Variants in GABRB3 observed in about 807,000 individuals in gnomAD.
GABRB3 encodes gamma-aminobutyric acid receptor subunit beta-3.
Under a neutral mutation model 52.1 loss-of-function variants are expected in GABRB3, and 14 were observed. The ratio of observed to expected loss-of-function variants is 0.27; its 90% CI spans 0.18 to 0.42. GABRB3 has a LOEUF of 0.42. Among genes scored for constraint, GABRB3 ranks in the 10% least tolerant of loss-of-function variants. The pLI is 1.00. For missense variants in GABRB3, 307 were observed against 609.1 expected (o/e 0.50, Z 5.22); for synonymous variants, 260 against 232.3 (o/e 1.12, Z -1.08).
At position 26,583,294 on chromosome 15, in the gene GABRB3, A is replaced by T. The variant is rs763361973; in HGVS notation, c.544+38T>A. The T allele has an allele frequency of 7.2e-6, 11 of 1,522,186 alleles. No homozygotes were observed. The African/African-American group carries it at 1.5e-4, about 21-fold the overall frequency. The allele number at this position is 1,522,186 out of a possible 1,614,324, so 94.3% of individuals were successfully genotyped here. ...ATAATGACAAAAGGATCAAAAGTAC[A>T]AATAGGAGGAGAAAGAAACACAGAT... On this transcript the variant is annotated intron_variant, in intron 5 of 8. Coordinates refer to ENST00000311550, the MANE Select transcript of GABRB3 (RefSeq NM_000814.6).
Position 26,554,190 on chromosome 15 carries a change from A to AAAGAGTATATAT in GABRB3, c.1081-6057_1081-6056insATATATACTCTT, listed in dbSNP as rs1567097853. Among the ~76,000 whole-genome samples, 9 of 31,538 alleles carry AAAGAGTATATAT rather than the reference A, an allele frequency of 2.9e-4. 1 individual carries two copies. The highest frequency in any genetic ancestry group is 5.9e-4 in the African/African-American group (7 of 11,768). The allele number at this position is 31,538 out of a possible 152,430, so 20.7% of individuals were successfully genotyped here. A position where few individuals can be genotyped will look rare whatever the true frequency, so the allele number is the denominator to read the frequency against. ...ATATATATAAAGTATATATATATAT[A>AAAGAGTATATAT]CTATATATATATATATATAGTAGAA... On this transcript the variant is annotated intron_variant, in intron 8 of 8. Transcript: ENST00000311550.
intron 3 of GABRB3, chr15:26,642,325 G>A (rs922490451): frequency 1.6e-4 from 61 of 380,734 alleles, no homozygotes; most frequent in Non-Finnish European, 1.5e-4. Context: ...ACTGACTATG[G>A]GACTTGAATA....
intron 5 of GABRB3, among the ~76,000 whole-genome samples, chr15:26,581,709 T>C (rs1890797287): frequency 6.6e-6 from 1 of 152,204 alleles, no homozygotes; most frequent in African/African-American, 2.4e-5. Context: ...AGCTCATTCT[T>C]TCCCACATTT....
intron 3 of GABRB3, among the ~76,000 whole-genome samples, chr15:26,763,576 T>C (rs8026392): frequency 0.3 from 44,904 of 149,222 alleles, 6,976 homozygotes; most frequent in East Asian, 0.41. Flanking sequence ...ATTGGTTTTG[T>C]TCTTTCACAA....
rs115452011 is a variant in GABRB3, at chr15:26,643,852, G to A, written c.241-22318C>T. On this transcript the variant is annotated intron_variant, in intron 3 of 8. Transcript: ENST00000311550. ...ATAGTCTAGCAAAGACCAAAACTAC[G>A]GATCCTTCCCTTTTCCAATCACTCA... is the stretch of plus-strand genomic sequence containing the variant. 3.7e-3 allele frequency among the ~76,000 whole-genome samples: 567 copies of A among 152,278 alleles called. 1 individual carries two copies. Among genetic ancestry groups the A allele is most frequent in the African/African-American group, 0.013 (533 of 41,550 alleles).
chr15:26,554,799 A>G (rs1276511588), intron 8 of GABRB3, among the ~76,000 whole-genome samples: 1 of 152,226 alleles, frequency 6.6e-6, no homozygotes, highest in Non-Finnish European at 1.5e-5. Flanking sequence ...CATGTGCCCC[A>G]TAAGTTGGGA....
At chr15:26,729,190 G>A (rs190640545) in intron 3 of GABRB3, among the ~76,000 whole-genome samples, 1 of 152,282 alleles carries the variant, frequency 6.6e-6, no homozygotes, top group African/African-American at 2.4e-5. Context: ...TGTGTTCTCA[G>A]TGGTCCCGCT....
intron 3 of GABRB3, among the ~76,000 whole-genome samples, chr15:26,755,657 A>G (rs1890640500): frequency 6.6e-6 from 1 of 152,236 alleles, no homozygotes; most frequent in Non-Finnish European, 1.5e-5. Context: ...TGATTCTAGA[A>G]GTATAGATAT....
At chr15:26,598,673 C>T (rs1891481261) in intron 4 of GABRB3, among the ~76,000 whole-genome samples, 1 of 152,180 alleles carries the variant, frequency 6.6e-6, no homozygotes, top group Admixed American at 6.5e-5. Flanking sequence ...GGCAGTCATC[C>T]CATTTTCCAA....
At chr15:26,549,116 T>G (rs913704152) in intron 8 of GABRB3, among the ~76,000 whole-genome samples, 6 of 152,204 alleles carry the variant, frequency 3.9e-5, no homozygotes, top group Admixed American at 3.3e-4. Flanking sequence ...TGTAATAGAT[T>G]AAGTGTCTGT....
intron 3 of GABRB3, among the ~76,000 whole-genome samples, chr15:26,680,460 C>T (rs1430931508): frequency 8.6e-6 from 1 of 116,720 alleles, no homozygotes; most frequent in Non-Finnish European, 1.9e-5. Context: ...CCTATGGGCA[C>T]CCTACAGCCT....
rs139183409 is a variant in GABRB3, at chr15:26,641,774, C to T, written c.241-20240G>A. 2.7e-3 allele frequency among the ~76,000 whole-genome samples: 407 copies of T among 152,286 alleles called. 1 individual carries two copies. The highest frequency in any genetic ancestry group is 0.024 in the Middle Eastern group (7 of 294). ...GCAAGACCCATACTGATGTCCTGCACTAATGAAGTGGCATCAGGAATAAAG... is the reference window on the plus strand; with the variant it reads ...GCAAGACCCATACTGATGTCCTGCATTAATGAAGTGGCATCAGGAATAAAG... On this transcript the variant is annotated intron_variant, in intron 3 of 8. Transcript: ENST00000311550.
intron 8 of GABRB3, among the ~76,000 whole-genome samples, chr15:26,554,035 ATTTATTTATT>A (rs1889596385): frequency 6.2e-5 from 5 of 80,376 alleles, no homozygotes; most frequent in African/African-American, 1.5e-4. Flanking sequence ...ATATATATAT[ATTTATTTATT>A]TATATTTATT....
rs112530094 is a variant in GABRB3 at position 26,662,220 on chromosome 15, T to C, written c.241-40686A>G. Reference sequence around the variant, plus strand: ...TTATCCACATTTCATACAAAGAAAATAGGCATTGCTGTTACCACAGAAAAG... The same window carrying C: ...TTATCCACATTTCATACAAAGAAAACAGGCATTGCTGTTACCACAGAAAAG... On this transcript the variant is annotated intron_variant, in intron 3 of 8. Transcript: ENST00000311550. Among the ~76,000 whole-genome samples the C allele has an allele frequency of 2.6e-5, 4 of 152,262 alleles. 1 individual carries two copies. The highest frequency in any genetic ancestry group is 9.6e-5 in the African/African-American group (4 of 41,550).
At chr15:26,646,177 C>T (rs540161291) in intron 3 of GABRB3, among the ~76,000 whole-genome samples, 2 of 152,192 alleles carry the variant, frequency 1.3e-5, no homozygotes, top group African/African-American at 4.8e-5. Flanking sequence ...ACATATCCCT[C>T]ACCCCAGAAA....
At chr15:26,566,984 T>C (rs547338932) in intron 7 of GABRB3, among the ~76,000 whole-genome samples, 1 of 152,350 alleles carries the variant, frequency 6.6e-6, no homozygotes, top group East Asian at 1.9e-4. Flanking sequence ...ATCAGCTGAA[T>C]AGAGAATAAT....
chr15:26,744,847 A>G (rs906676913), intron 3 of GABRB3, among the ~76,000 whole-genome samples: 1 of 152,250 alleles, frequency 6.6e-6, no homozygotes, highest in Non-Finnish European at 1.5e-5. Flanking sequence ...ATTTATTTAT[A>G]TAAGTGTATA....
intron 3 of GABRB3, among the ~76,000 whole-genome samples, chr15:26,756,592 A>C (rs572002630): frequency 3.9e-5 from 6 of 152,068 alleles, no homozygotes; most frequent in Non-Finnish European, 8.8e-5. Flanking sequence ...AAAAATTTTT[A>C]AAGTACAGAA....
At chr15:26,559,037 A>C (rs1274189657) in intron 8 of GABRB3, among the ~76,000 whole-genome samples, 1 of 152,210 alleles carries the variant, frequency 6.6e-6, no homozygotes, top group African/African-American at 2.4e-5. Flanking sequence ...GGACAGAACC[A>C]GGCAGGGTGG....
Sources: gnomAD v4.1 joint callset for allele counts (sites outside exome capture counted in the v4.1 genomes callset) on GRCh38, gnomAD v4.1.1 for gene constraint, MANE v1.5 for transcripts, NCBI Gene and HGNC (gene_info 2026-07-23, HGNC 2026-07-21) for gene names.